NDST2: variants seen among roughly 807,000 people sequenced by gnomAD.
The protein encoded by NDST2 is bifunctional heparan sulfate N-deacetylase/N-sulfotransferase 2.
In NDST2, 32 loss-of-function variants were observed where a neutral mutation model predicts 86.9. That is an observed-to-expected ratio of 0.37 (90% CI 0.28 to 0.49). The LOEUF (loss-of-function observed/expected upper bound fraction) is 0.49. NDST2 is among the 20% of genes least tolerant of loss of function. NDST2 has a pLI of 0.97. For missense variants in NDST2, 950 were observed against 1,146.9 expected (o/e 0.83, Z 2.48); for synonymous variants, 409 against 437.0 (o/e 0.94, Z 0.80).
Position 73,807,584 on chromosome 10 carries a change from G to A in NDST2, c.805C>T (p.Leu269=). The A allele has an allele frequency of 1.2e-6, 2 of 1,614,228 alleles. No homozygotes were observed. The highest frequency in any genetic ancestry group is 2.7e-5 in the African/African-American group (2 of 75,056). ...CGCTGGATGCCATCATGAAGCCCCA[G>A]GTCCTGTACCACAGTGGGAAGCCGG... ...RARLPTVVQD[L]GLHDGIQRVL... The change falls in exon 3 of 15, where the codon CTG becomes TTG. Residue 269 remains leucine, a synonymous_variant. Coordinates refer to ENST00000309979, the MANE Select transcript of NDST2 (RefSeq NM_003635.4).
chr10:73,802,362 A>G lies in NDST2; in HGVS notation c.*89T>C. ...CTACTGAGGTAGAGGGGGAGGGGCC[A>G]GGCCACTCTAATCCCCCTTGTGGGC... On this transcript the variant is annotated 3_prime_UTR_variant, in exon 15 of 15. Coordinates refer to ENST00000309979, the MANE Select transcript of NDST2 (RefSeq NM_003635.4). 7 of 1,488,694 alleles carry G rather than the reference A, an allele frequency of 4.7e-6. No homozygotes were observed. Among genetic ancestry groups the G allele is most frequent in the Admixed American group, 1.8e-5 (1 of 55,460 alleles). 92.2% of individuals were successfully genotyped at this position (1,488,694 alleles called of 1,614,324 possible).
In NDST2 at chr10:73,806,823, CGCTGACCACTGACCACA is replaced by C; in HGVS notation, c.1094-29_1094-13del. 6.2e-7 allele frequency: 1 copy of C among 1,611,054 alleles called. No individual in the cohort carries two copies. ...CTCCTCCTCTGTCCCTATGACCACACGCTGACCACTGACCACAGCCAGTCAGCCCCTGTTCCCTCCTT... is the reference window on the plus strand; with the variant it reads ...CTCCTCCTCTGTCCCTATGACCACACGCCAGTCAGCCCCTGTTCCCTCCTT... On this transcript the variant is annotated splice_polypyrimidine_tract_variant and intron_variant, in intron 4 of 14. Coordinates refer to ENST00000309979, the MANE Select transcript of NDST2 (RefSeq NM_003635.4). This position sits in a 1 kb window ranked among gnomAD's most constrained non-coding sequence, Gnocchi z 4.5.
At position 73,806,967 on chromosome 10, in the gene NDST2, A is replaced by T; in HGVS notation, c.1093+141T>A. On this transcript the variant is annotated intron_variant, in intron 4 of 14. Transcript: ENST00000309979. The surrounding 1 kb of genome is among the most constrained non-coding windows in gnomAD (Gnocchi z 4.5). ...CCATCCAGCCACCCATGCGAACCTA[A>T]ATTCATGCCCACCACTAGCTCCTCA... The T allele has an allele frequency of 7.0e-7, 1 of 1,435,068 alleles. No individual in the cohort carries two copies. Among genetic ancestry groups the T allele is most frequent in the African/African-American group, 1.4e-5 (1 of 71,248 alleles). The allele number at this position is 1,435,068 out of a possible 1,614,324, so 88.9% of individuals were successfully genotyped here.
Position 73,802,279 on chromosome 10 carries a change from G to A in NDST2, c.*172C>T. On this transcript the variant is annotated 3_prime_UTR_variant, in exon 15 of 15. Coordinates refer to ENST00000309979, the MANE Select transcript of NDST2 (RefSeq NM_003635.4). ...GGTACCAAAGGAAGCCCCTTTATTT[G>A]TCCCAGAACTGTGGGAAAAGGATAC... 2 of 678,940 alleles carry A rather than the reference G, an allele frequency of 2.9e-6. No homozygotes were observed. The highest frequency in any genetic ancestry group is 4.9e-6 in the Non-Finnish European group (2 of 407,214). The allele number at this position is 678,940 out of a possible 1,614,324, so 42.1% of individuals were successfully genotyped here. A position where few individuals can be genotyped will look rare whatever the true frequency, so the allele number is the denominator to read the frequency against.
At chr10:73,810,634 A>G (rs1420657487) in intron 2 of NDST2, 165 bp downstream of exon 2, 16 of 390,524 alleles carry the variant, frequency 4.1e-5, no homozygotes, top group Non-Finnish European at 7.2e-5. Context: ...CGGGAAGTTG[A>G]TACTCAGGGT....
intron 2 of NDST2, among the ~76,000 whole-genome samples, chr10:73,809,266 CA>C (rs1283623492): frequency 6.6e-6 from 1 of 152,226 alleles, no homozygotes; most frequent in Non-Finnish European, 1.5e-5. Context: ...AACTTGCAGT[CA>C]GGTGGACACT....
Position 73,806,507 on chromosome 10 carries a change from G to C in NDST2, c.1249-33C>G. The C allele has an allele frequency of 6.4e-7, 1 of 1,561,916 alleles. No homozygotes were observed. Among genetic ancestry groups the C allele is most frequent in the Non-Finnish European group, 8.7e-7 (1 of 1,151,828 alleles). ...TGGCATAGACTCTCACCAGGACCTGGTGAGGTTTGGGGAGTAGAGGGTAAA... is the reference window on the plus strand; with the variant it reads ...TGGCATAGACTCTCACCAGGACCTGCTGAGGTTTGGGGAGTAGAGGGTAAA... On this transcript the variant is annotated intron_variant, in intron 5 of 14. Coordinates refer to ENST00000309979, the MANE Select transcript of NDST2 (RefSeq NM_003635.4). The surrounding 1 kb of genome is among the most constrained non-coding windows in gnomAD (Gnocchi z 4.5).
Position 73,808,452 on chromosome 10 carries a change from T to TA in NDST2, c.-65dup, listed in dbSNP as rs2084146040. ...CAGGGGATGGGAGGTAGGAGTTCTA[T>TA]AGGCTAGGACTGTCTTGGAAGGGTA... On this transcript the variant is annotated 5_prime_UTR_variant, in exon 3 of 15. Coordinates refer to ENST00000309979, the MANE Select transcript of NDST2 (RefSeq NM_003635.4). This position sits in a 1 kb window ranked among gnomAD's most constrained non-coding sequence, Gnocchi z 4.3. 2 of 1,455,880 alleles carry TA rather than the reference T, an allele frequency of 1.4e-6. No homozygotes were observed. Among genetic ancestry groups the TA allele is most frequent in the African/African-American group, 2.8e-5 (2 of 70,984 alleles). The allele number at this position is 1,455,880 out of a possible 1,614,324, so 90.2% of individuals were successfully genotyped here.
At chr10:73,804,951 G>A (rs2084073188) in intron 8 of NDST2, 82 bp from the exon 9 acceptor site, 2 of 747,896 alleles carry the variant, frequency 2.7e-6, no homozygotes, top group African/African-American at 1.8e-5. Flanking sequence ...GCCCAGGCTG[G>A]AGTGCAATGC....
intron 3 of NDST2, 46 bp downstream of exon 3, chr10:73,807,338 G>C: frequency 6.2e-7 from 1 of 1,604,520 alleles, no homozygotes; most frequent in East Asian, 2.2e-5. Context: ...TGACAGGCCA[G>C]AGTGTGAATA....
In NDST2 at chr10:73,808,839, C is replaced by CA. The variant is rs79478385; in HGVS notation, c.-341-111dup. 19,084 of 111,144 alleles carry CA rather than the reference C, an allele frequency of 0.17. 1,330 individuals carry two copies. The highest frequency in any genetic ancestry group is 0.24 in the South Asian group (846 of 3,536). 6.9% of individuals were successfully genotyped at this position (111,144 alleles called of 1,614,324 possible). A position where few individuals can be genotyped will look rare whatever the true frequency, so the allele number is the denominator to read the frequency against. ...TCCTGCTTACTGGATAATCTGTTCT[C>CA]AAAAAAAAAAAAAAAAAAGTTTCCT... On this transcript the variant is annotated intron_variant, in intron 2 of 14. Transcript: ENST00000309979. The surrounding 1 kb of genome is among the most constrained non-coding windows in gnomAD (Gnocchi z 4.3).
chr10:73,802,010 T>C lies in NDST2; in HGVS notation c.*441A>G. Reference sequence around the variant, plus strand: ...ACTGTCCGACCTCATCCCCATTCAATGTGAATGACATTAGGGAGGCCGGGC... The same window carrying C: ...ACTGTCCGACCTCATCCCCATTCAACGTGAATGACATTAGGGAGGCCGGGC... On this transcript the variant is annotated 3_prime_UTR_variant, in exon 15 of 15. Transcript: ENST00000309979. 2.8e-6 allele frequency: 1 copy of C among 356,278 alleles called. No individual in the cohort carries two copies. Among genetic ancestry groups the C allele is most frequent in the Non-Finnish European group, 5.3e-6 (1 of 187,882 alleles). The allele number at this position is 356,278 out of a possible 1,614,324, so 22.1% of individuals were successfully genotyped here.
Position 73,805,971 on chromosome 10 carries a change from G to T in NDST2, c.1492C>A (p.Pro498Thr), listed in dbSNP as rs2084095543. The change falls in exon 7 of 15, where the codon CCT becomes ACT. Residue 498 changes from proline (P) to threonine (T), a missense_variant. Around this residue, in one of 5 missense-constraint regions of NDST2, gnomAD observed 586 missense variants for 714.0 expected, o/e 0.82. Coordinates refer to ENST00000309979, the MANE Select transcript of NDST2 (RefSeq NM_003635.4). ...FTHTIFYNEY[P>T]GGSRELDRSI... ...CGGTCTAGTTCACGAGAGCCTCCAG[G>T]ATACTCATTATAGAAGATTGTGTGA... 2 of 1,614,096 alleles carry T rather than the reference G, an allele frequency of 1.2e-6. No individual in the cohort carries two copies. Among genetic ancestry groups the T allele is most frequent in the Non-Finnish European group, 1.7e-6 (2 of 1,180,036 alleles).
In NDST2 at chr10:73,807,633, C is replaced by T. The variant is rs2084127171; in HGVS notation, c.756G>A (p.Val252=). 2 of 1,614,228 alleles carry T rather than the reference C, an allele frequency of 1.2e-6. No homozygotes were observed. Among genetic ancestry groups the T allele is most frequent in the Non-Finnish European group, 1.7e-6 (2 of 1,180,040 alleles). The change falls in exon 3 of 15, where the codon GTG becomes GTA. Residue 252 remains valine, a synonymous_variant. Transcript: ENST00000309979. ...LASLRPAEPA[V]PGPVLRRARL... ...GGGCCCGACGAAGAACTGGTCCTGG[C>T]ACTGCGGGCTCAGCTGGCCGAAGGC...
At position 73,802,981 on chromosome 10, in the gene NDST2, C is replaced by T. The variant is rs201739937; in HGVS notation, c.2414G>A (p.Arg805Gln). The change falls in exon 13 of 15, where the codon CGG becomes CAG. Residue 805 changes from arginine (R) to glutamine (Q), a missense_variant. By Grantham distance (43) the Arg-to-Gln change is conservative. Coordinates refer to ENST00000309979, the MANE Select transcript of NDST2 (RefSeq NM_003635.4). ...GGTCATGCTCTCCCACCTGAGGGTC[C>T]GTGTGTAGTTCAGAAAGGGTGTGAT... ...LGITPFLNYT[R>Q]TLRFDDDKGF... 6.9e-5 allele frequency: 112 copies of T among 1,613,958 alleles called. No individual in the cohort carries two copies. Among genetic ancestry groups the T allele is most frequent in the African/African-American group, 2.7e-5 (2 of 74,892 alleles).
chr10:73,807,076 G>C, intron 4 of NDST2, 32 bp downstream of exon 4: 2 of 1,587,992 alleles, frequency 1.3e-6, no homozygotes, highest in Non-Finnish European at 1.7e-6. Flanking sequence ...GTCAAACTAT[G>C]ATATGCCAAA....
At position 73,808,929 on chromosome 10, in the gene NDST2, A is replaced by G. The variant is rs933794788; in HGVS notation, c.-341-200T>C. On this transcript the variant is annotated intron_variant, in intron 2 of 14. Transcript: ENST00000309979. The surrounding 1 kb of genome is among the most constrained non-coding windows in gnomAD (Gnocchi z 4.3). ...ACAGCTTGTTCCCTTTCCCTTTCTT[A>G]GAATACCCAAATGAATGTCCAAATT... The G allele has an allele frequency of 1.3e-5, 2 of 153,304 alleles. No individual in the cohort carries two copies. Among genetic ancestry groups the G allele is most frequent in the Non-Finnish European group, 2.9e-5 (2 of 69,052 alleles). 9.5% of individuals were successfully genotyped at this position (153,304 alleles called of 1,614,324 possible). A position where few individuals can be genotyped will look rare whatever the true frequency, so the allele number is the denominator to read the frequency against.
rs2084134921 is a variant in NDST2, at chr10:73,807,997, G to A, written c.392C>T (p.Thr131Ile). 2 of 1,614,034 alleles carry A rather than the reference G, an allele frequency of 1.2e-6. No homozygotes were observed. The highest frequency in any genetic ancestry group is 1.3e-5 in the African/African-American group (1 of 75,038). ...AATGACCAAGACATAGCGGCCATGG[G>A]TATTATCAGTCAATGTGGGCATGTC... The part of the protein sequence containing the change: ...RGDMPTLTDN[T>I]HGRYVLVIYE... The change falls in exon 3 of 15, where the codon ACC becomes ATC. Residue 131 changes from threonine to isoleucine, a missense_variant. Physicochemically the swap from Thr to Ile is moderately conservative, Grantham distance 89. This residue lies in a region of NDST2 where 586 missense variants were observed against 714.0 expected (regional missense o/e 0.82). Transcript: ENST00000309979.
chr10:73,806,210 T>C lies in NDST2; in HGVS notation c.1434+79A>G. ...CCCCCATACTTGGACTGGCAGTTGA[T>C]AGAGAACATAGGTCAATGCATGTTG... On this transcript the variant is annotated intron_variant, in intron 6 of 14. Transcript: ENST00000309979. The surrounding 1 kb of genome is among the most constrained non-coding windows in gnomAD (Gnocchi z 4.5). The C allele has an allele frequency of 1.3e-6, 2 of 1,585,030 alleles. No homozygotes were observed. The highest frequency in any genetic ancestry group is 1.7e-6 in the Non-Finnish European group (2 of 1,156,772).
Sources: allele counts gnomAD v4.1 joint callset (sites outside exome capture counted in the v4.1 genomes callset), GRCh38; gene constraint gnomAD v4.1.1; regional missense constraint gnomAD v4.1.1; non-coding constraint Gnocchi (gnomAD v3.1); transcripts MANE v1.5; gene names NCBI Gene and HGNC (gene_info 2026-07-23, HGNC 2026-07-21).